Variants in COPZ2 observed in about 807,000 individuals in gnomAD.
The protein encoded by COPZ2 is coat protein complex I subunit zeta 2, also known as coatomer subunit zeta-2.
COPZ2 carries 30 observed loss-of-function variants against 33.2 expected under a neutral mutation model. The ratio of observed to expected loss-of-function variants is 0.90; its 90% confidence interval spans 0.68 to 1.23. The LOEUF is 1.23. COPZ2 is among the 50% of genes most tolerant of loss of function. The probability of loss-of-function intolerance (pLI) is 0.00; values close to 1 mark genes in which losing one functional copy is unlikely to be tolerated. For synonymous variants in COPZ2, 89 were observed against 102.6 expected (o/e 0.87, Z 0.80); for missense variants, 263 against 262.4 (o/e 1.00, Z -0.02).
chr17:48,030,762 T>G (rs2036884085), intron 6 of COPZ2, among the ~76,000 whole-genome samples: 1 of 152,224 alleles, frequency 6.6e-6, no homozygotes, highest in Non-Finnish European at 1.5e-5. Flanking sequence ...GACGGGAAGC[T>G]TGTGAAGCTT....
intron 2 of COPZ2, among the ~76,000 whole-genome samples, chr17:48,036,331 T>C (rs775363471): frequency 5.9e-5 from 9 of 152,232 alleles, no homozygotes; most frequent in Non-Finnish European, 1.0e-4. Flanking sequence ...AGGATATTAA[T>C]ACTTGTGACC....
intron 2 of COPZ2, among the ~76,000 whole-genome samples, chr17:48,035,775 C>G (rs1344787114): frequency 7.5e-6 from 1 of 132,484 alleles, no homozygotes; most frequent in Non-Finnish European, 1.6e-5. Context: ...TTTTTTGAGA[C>G]AGAGTTTCGC....
In COPZ2 at chr17:48,028,514, T is replaced by C; in HGVS notation, c.547-4A>G. ...CAGTCAAGCCGCCATCATCTGCCTG[T>C]AAGGAAGCAGAGTCAAGGGGTGGGG... On this transcript the variant is annotated splice_polypyrimidine_tract_variant and splice_region_variant and intron_variant, in intron 7 of 8. Coordinates refer to ENST00000621465, the MANE Select transcript of COPZ2 (RefSeq NM_016429.4). The surrounding 1 kb of genome is among the most constrained non-coding windows in gnomAD (Gnocchi z 4.5). 1 of 1,607,368 alleles carries C rather than the reference T, an allele frequency of 6.2e-7. No individual in the cohort carries two copies. Among genetic ancestry groups the C allele is most frequent in the Non-Finnish European group, 8.5e-7 (1 of 1,177,132 alleles).
chr17:48,033,155 TAAC>T (rs1285313387), intron 4 of COPZ2, 53 bp downstream of exon 4: 26 of 1,233,024 alleles, frequency 2.1e-5, no homozygotes, highest in African/African-American at 1.3e-4. Flanking sequence ...AGATTCCAAA[TAAC>T]AACATTTCCC....
the COPZ2 span, chr17:48,047,279 C>A: frequency 2.0e-5 from 3 of 152,128 alleles, no homozygotes; most frequent in African/African-American, 7.2e-5. Context: ...CTGGGAGGAA[C>A]GCATTGCAAA....
At position 48,029,899 on chromosome 17, in the gene COPZ2, C is replaced by T. The variant is rs547717485; in HGVS notation, c.495-723G>A. 3.3e-5 allele frequency among the ~76,000 whole-genome samples: 5 copies of T among 151,988 alleles called. No homozygotes were observed. The South Asian group carries it at 1.0e-3, about 32-fold the overall frequency. On this transcript the variant is annotated intron_variant, in intron 6 of 8. Transcript: ENST00000621465. The stretch of plus-strand genomic sequence containing the variant: ...AGGAGAATCGCTTCAACCCGGGAGG[C>T]AGAGGTTGCAGTGAGCCAAGATTGC...
chr17:48,031,302 A>T (rs906618999), intron 6 of COPZ2, among the ~76,000 whole-genome samples: 15 of 151,900 alleles, frequency 9.9e-5, no homozygotes, highest in Non-Finnish European at 2.2e-4. Context: ...AATACAAAAA[A>T]TTAGCTTGGT....
intron 8 of COPZ2, among the ~76,000 whole-genome samples, chr17:48,026,752 C>A (rs2036823258): frequency 6.6e-6 from 1 of 152,256 alleles, no homozygotes; most frequent in Non-Finnish European, 1.5e-5. Flanking sequence ...AGCCTGTCTC[C>A]CCGCTGTCAT....
rs1282849145 is a variant in COPZ2, at chr17:48,028,336, C to A, written c.585+136G>T. The A allele has an allele frequency of 5.8e-6, 5 of 854,908 alleles. No individual in the cohort carries two copies. Among genetic ancestry groups the A allele is most frequent in the Admixed American group, 2.8e-5 (1 of 36,250 alleles). The allele number at this position is 854,908 out of a possible 1,614,324, so 53.0% of individuals were successfully genotyped here. ...CTTTCCAAGATATGACCTGTCACTG[C>A]CTCATCCCTTCCCTTCTCACCCCTG... On this transcript the variant is annotated intron_variant, in intron 8 of 8. Coordinates refer to ENST00000621465, the MANE Select transcript of COPZ2 (RefSeq NM_016429.4). The surrounding 1 kb of genome is among the most constrained non-coding windows in gnomAD (Gnocchi z 4.5).
Position 48,033,320 on chromosome 17 carries a change from T to G in COPZ2, c.269-18A>C, listed in dbSNP as rs772510371. On this transcript the variant is annotated intron_variant, in intron 3 of 8. Transcript: ENST00000621465. ...AATCTCACCTAGAAGTGGAGGGAGC[T>G]TTCAGTCCTGGCCACCTTGCCTGGT... The G allele has an allele frequency of 1.0e-5, 16 of 1,540,736 alleles. No homozygotes were observed. Among genetic ancestry groups the G allele is most frequent in the Non-Finnish European group, 1.4e-5 (16 of 1,117,028 alleles).
upstream of COPZ2, among the ~76,000 whole-genome samples, chr17:48,041,138 C>A: frequency 9.0e-6 from 1 of 110,784 alleles, no homozygotes; most frequent in South Asian, 3.1e-4. Flanking sequence ...CAGAGCAAGA[C>A]TCTATCTCCA....
intron 2 of COPZ2, among the ~76,000 whole-genome samples, chr17:48,036,542 T>C (rs2036985742): frequency 6.6e-6 from 1 of 151,908 alleles, no homozygotes; most frequent in Non-Finnish European, 1.5e-5. Context: ...GTGTGGGGGT[T>C]TGGGGACTAA....
chr17:48,029,266 AAG>A, intron 6 of COPZ2, 90 bp from the exon 7 acceptor site: 1 of 1,220,910 alleles, frequency 8.2e-7, no homozygotes, highest in Non-Finnish European at 1.2e-6. Flanking sequence ...TCCCTCTCCG[AAG>A]GCATCCTGCA....
chr17:48,038,685 G>A (rs1424300530), upstream of COPZ2, among the ~76,000 whole-genome samples: 1 of 152,176 alleles, frequency 6.6e-6, no homozygotes, highest in African/African-American at 2.4e-5. Context: ...TATACAGCTA[G>A]TTGACTGGGG....
upstream of COPZ2, among the ~76,000 whole-genome samples, chr17:48,041,069 T>C (rs985095355): frequency 3.3e-5 from 5 of 151,014 alleles, no homozygotes; most frequent in African/African-American, 1.2e-4. Flanking sequence ...GGAGAATCAT[T>C]TGCACCCAGG....
Position 48,028,725 on chromosome 17 carries a change from G to GAAGATGGGAAGA in COPZ2, c.547-227_547-216dup, listed in dbSNP as rs771357864. Among the ~76,000 whole-genome samples, 5 of 152,030 alleles carry GAAGATGGGAAGA rather than the reference G, an allele frequency of 3.3e-5. No homozygotes were observed. The highest frequency in any genetic ancestry group is 5.9e-5 in the Non-Finnish European group (4 of 68,004). Reference sequence around the variant, plus strand: ...GTGCTATGGTGCGTGGAGGGTGAGGGAAGATGGGAAGAAAGATGGGAAGAA... The same window carrying GAAGATGGGAAGA: ...GTGCTATGGTGCGTGGAGGGTGAGGGAAGATGGGAAGAAAGATGGGAAGAAAGATGGGAAGAA... On this transcript the variant is annotated intron_variant, in intron 7 of 8. Transcript: ENST00000621465. The surrounding 1 kb of genome is among the most constrained non-coding windows in gnomAD (Gnocchi z 4.5).
At chr17:48,041,212 G>A (rs1160521810), upstream of COPZ2, among the ~76,000 whole-genome samples, 1 of 150,718 alleles carries the variant, frequency 6.6e-6, no homozygotes, top group Admixed American at 6.6e-5. Flanking sequence ...TGAGTGCTTA[G>A]TATGTACCAG....
chr17:48,040,134 CCA>C (rs777014568), upstream of COPZ2, among the ~76,000 whole-genome samples: 43 of 121,456 alleles, frequency 3.5e-4, no homozygotes, highest in African/African-American at 6.0e-4. Context: ...ACCCACCCAC[CCA>C]CACACACACA....
chr17:48,041,368 A>G (rs560479869), upstream of COPZ2, among the ~76,000 whole-genome samples: 2 of 152,330 alleles, frequency 1.3e-5, no homozygotes, highest in African/African-American at 2.4e-5. Context: ...TAGATATTAT[A>G]TGAGTTGGGG....
Sources: gnomAD v4.1 joint callset for allele counts (sites outside exome capture counted in the v4.1 genomes callset) on GRCh38, gnomAD v4.1.1 for gene constraint, Gnocchi (gnomAD v3.1) non-coding constraint, MANE v1.5 for transcripts, NCBI Gene and HGNC (gene_info 2026-07-23, HGNC 2026-07-21) for gene names.